Variants in DIP2C observed in about 807,000 individuals in gnomAD.
DIP2C encodes disco-interacting protein 2 homolog C.
Under a neutral mutation model 192.4 loss-of-function variants are expected in DIP2C, and 33 were observed. The ratio of observed to expected loss-of-function variants is 0.17; its 90% CI spans 0.13 to 0.23. The LOEUF is 0.23. Among genes scored for constraint, DIP2C ranks in the 10% least tolerant of loss-of-function variants. The pLI, the probability that DIP2C is intolerant of heterozygous loss-of-function variation, is 1.00. For missense variants in DIP2C, 1,537 were observed against 2,110.1 expected (o/e 0.73, Z 5.32); for synonymous variants, 979 against 864.1 (o/e 1.13, Z -2.33).
chr10:381,210 G>A (rs1266390968), intron 17 of DIP2C, among the ~76,000 whole-genome samples: 1 of 152,136 alleles, frequency 6.6e-6, no homozygotes, highest in Non-Finnish European at 1.5e-5. Context: ...CAATTATACA[G>A]ATTATTCTTT....
chr10:392,333 T>C (rs1963533375), intron 10 of DIP2C, among the ~76,000 whole-genome samples: 1 of 152,188 alleles, frequency 6.6e-6, no homozygotes, highest in South Asian at 2.1e-4. Flanking sequence ...CAGTCGCTCA[T>C]GGCTGTGGGT....
rs967339450 is a variant in DIP2C, at chr10:390,072, T to C, written c.1516A>G (p.Ser506Gly). The part of the protein sequence containing the change: ...YIEYKTCKDG[S>G]VLGVTVTRTA... ...CTCGTCACCGTCACACCCAGCACAC[T>C]GCCATCCTTACACGTCTTGTACTGA... The change falls in exon 13 of 37, where the codon AGT becomes GGT. Residue 506 changes from serine to glycine, a missense_variant. By Grantham distance (56) the Ser-to-Gly change is moderately conservative (BLOSUM62 0). Coordinates refer to ENST00000280886, the MANE Select transcript of DIP2C (RefSeq NM_014974.3). 6.2e-7 allele frequency: 1 copy of C among 1,613,984 alleles called. No homozygotes were observed. Among genetic ancestry groups the C allele is most frequent in the Non-Finnish European group, 8.5e-7 (1 of 1,179,982 alleles).
At chr10:286,408 A>G in intron 33 of DIP2C, 61 bp from the exon 34 acceptor site, 1 of 1,455,146 alleles carries the variant, frequency 6.9e-7, no homozygotes, top group African/African-American at 1.4e-5. Flanking sequence ...ACTACACACA[A>G]GCCAACCTCA....
chr10:556,128 C>T (rs1406209947), intron 1 of DIP2C, among the ~76,000 whole-genome samples: 1 of 130,180 alleles, frequency 7.7e-6, no homozygotes, highest in Admixed American at 7.4e-5. Flanking sequence ...CAACCACCCA[C>T]CCCCTTCCAC....
Position 456,748 on chromosome 10 carries a change from G to A in DIP2C, c.268+15691C>T, listed in dbSNP as rs1969335696. On this transcript the variant is annotated intron_variant, in intron 3 of 36. Transcript: ENST00000280886. ...CTCCCTTTTGTCTCCACTACATAGGGCCATCTGTGTTCCCTTCCACGACGA... is the reference window on the plus strand; with the variant it reads ...CTCCCTTTTGTCTCCACTACATAGGACCATCTGTGTTCCCTTCCACGACGA... Among the ~76,000 whole-genome samples the A allele has an allele frequency of 2.0e-5, 3 of 152,304 alleles. 1 individual carries two copies. In the South Asian group the frequency reaches 6.2e-4, roughly 32 times the overall value.
chr10:662,333 T>A (rs1422666818), intron 1 of DIP2C, among the ~76,000 whole-genome samples: 1 of 152,226 alleles, frequency 6.6e-6, no homozygotes, highest in African/African-American at 2.4e-5. Flanking sequence ...TTTGTGGCAT[T>A]GCCAGATAAC....
intron 1 of DIP2C, among the ~76,000 whole-genome samples, chr10:614,276 T>C (rs1467733963): frequency 6.6e-6 from 1 of 152,150 alleles, no homozygotes; most frequent in Non-Finnish European, 1.5e-5. Context: ...CAGTGTATGG[T>C]GTGGATGATG....
chr10:375,306 G>C (rs553800375), intron 17 of DIP2C, among the ~76,000 whole-genome samples: 3 of 152,316 alleles, frequency 2.0e-5, no homozygotes, highest in Admixed American at 1.3e-4. Context: ...CTCACCATGT[G>C]ACATGCAGGC....
intron 1 of DIP2C, chr10:631,231 T>C (rs1210705437): frequency 6.6e-6 from 1 of 152,280 alleles, no homozygotes; most frequent in African/African-American, 2.4e-5. Flanking sequence ...TTAATTTAAT[T>C]AAAACATCTC....
chr10:431,705 C>G (rs1173569560), intron 4 of DIP2C, among the ~76,000 whole-genome samples: 1 of 152,200 alleles, frequency 6.6e-6, no homozygotes, highest in African/African-American at 2.4e-5. Flanking sequence ...AGTTTTATTT[C>G]TCTTCCCAAT....
chr10:485,843 A>G (rs1382293349), intron 2 of DIP2C, among the ~76,000 whole-genome samples: 3 of 152,218 alleles, frequency 2.0e-5, no homozygotes, highest in Non-Finnish European at 2.9e-5. Context: ...GGCTGAATTG[A>G]GCTTGCCAGC....
chr10:573,800 AAACCATT>A (rs1204805036), intron 1 of DIP2C, among the ~76,000 whole-genome samples: 1 of 152,210 alleles, frequency 6.6e-6, no homozygotes, highest in African/African-American at 2.4e-5. Flanking sequence ...TAAGAGAAAG[AAACCATT>A]AACACGTTTT....
At chr10:519,756 T>C (rs1846582299) in intron 1 of DIP2C, among the ~76,000 whole-genome samples, 1 of 152,248 alleles carries the variant, frequency 6.6e-6, no homozygotes, top group Admixed American at 6.5e-5. Flanking sequence ...GCTAACACTT[T>C]CTCTGCATGT....
At chr10:521,405 A>C (rs2130817224) in intron 1 of DIP2C, among the ~76,000 whole-genome samples, 1 of 152,288 alleles carries the variant, frequency 6.6e-6, no homozygotes, top group Non-Finnish European at 1.5e-5. Flanking sequence ...AAAACTCGTC[A>C]AAAAATCATC....
chr10:571,793 C>CAT (rs1263623208), intron 1 of DIP2C, among the ~76,000 whole-genome samples: 1 of 152,140 alleles, frequency 6.6e-6, no homozygotes, highest in Non-Finnish European at 1.5e-5. Context: ...CAACATGGGA[C>CAT]ATGGGAGAGG....
intron 6 of DIP2C, 139 bp downstream of exon 6, chr10:418,926 G>A: frequency 7.7e-7 from 1 of 1,295,666 alleles, no homozygotes. Context: ...TTCCATGAGA[G>A]GCTCCCGAAG....
At chr10:384,449 G>A in intron 15 of DIP2C, 97 bp downstream of exon 15, 3 of 1,235,370 alleles carry the variant, frequency 2.4e-6, no homozygotes, top group Non-Finnish European at 3.5e-6. Context: ...TATTGGCCCG[G>A]GTGGTCTGGA....
chr10:392,796 C>G (rs919867901), intron 10 of DIP2C, among the ~76,000 whole-genome samples: 1 of 150,948 alleles, frequency 6.6e-6, no homozygotes, highest in South Asian at 2.1e-4. Context: ...CATGCACACA[C>G]GCGGATGCGC....
At chr10:502,434 G>A (rs998953233) in intron 1 of DIP2C, among the ~76,000 whole-genome samples, 4 of 152,142 alleles carry the variant, frequency 2.6e-5, no homozygotes, top group Non-Finnish European at 5.9e-5. Flanking sequence ...CTCATAGGAC[G>A]AAAGGCTCAT....
Sources: allele counts gnomAD v4.1 joint callset (sites outside exome capture counted in the v4.1 genomes callset), GRCh38; gene constraint gnomAD v4.1.1; transcripts MANE v1.5; gene names NCBI Gene and HGNC (gene_info 2026-07-23, HGNC 2026-07-21).